The following LARGE1 variants were observed in gnomAD, a reference collection of about 807,000 sequenced individuals.
LARGE1 encodes xylosyl- and glucuronyltransferase LARGE1.
LARGE1 carries 43 observed loss-of-function variants against 87.6 expected under a neutral mutation model. The observed-to-expected ratio is 0.49, with a 90% confidence interval of 0.38 to 0.63. The LOEUF is 0.63. Ranked by LOEUF, LARGE1 falls within the 30% of genes least tolerant of loss-of-function variation. The pLI, the probability that LARGE1 is intolerant of heterozygous loss-of-function variation, is 0.00. For synonymous variants in LARGE1, 434 were observed against 394.6 expected, an observed-to-expected ratio of 1.10 and a Z score of -1.18; for missense variants, 802 against 1,000.2, an observed-to-expected ratio of 0.80 and a Z score of 2.67.
intron 1 of LARGE1, among the ~76,000 whole-genome samples, chr22:33,847,739 A>G (rs1467177360): frequency 1.3e-5 from 2 of 152,226 alleles, no homozygotes; most frequent in Non-Finnish European, 2.9e-5. Flanking sequence ...CTCTCATTGT[A>G]AACTAGAAAA....
intron 6 of LARGE1, among the ~76,000 whole-genome samples, chr22:33,438,360 C>T (rs959615456): frequency 2.6e-5 from 4 of 152,156 alleles, no homozygotes; most frequent in East Asian, 1.9e-4. Context: ...TCACAGAAAA[C>T]GCTTTGTCAT....
chr22:33,195,938 T>G (rs1375342883), intron 11 of LARGE1, among the ~76,000 whole-genome samples: 1 of 151,542 alleles, frequency 6.6e-6, no homozygotes, highest in Admixed American at 6.6e-5. Context: ...TTTTGTATTT[T>G]TAGTAGAGAC....
At chr22:33,839,471 A>T (rs2063206917) in intron 1 of LARGE1, among the ~76,000 whole-genome samples, 1 of 152,242 alleles carries the variant, frequency 6.6e-6, no homozygotes, top group Admixed American at 6.5e-5. Flanking sequence ...GCGAGAAAAA[A>T]GCATGTTTTC....
In LARGE1 at chr22:33,172,572, T is replaced by A. The variant is rs1388696402; in HGVS notation, c.1731-5740A>T. ...AATTTCTCTGCAATAGAATTTTTTCTGGATATTGTCTATGATGTGAATTCT... is the reference window on the plus strand; with the variant it reads ...AATTTCTCTGCAATAGAATTTTTTCAGGATATTGTCTATGATGTGAATTCT... On this transcript the variant is annotated intron_variant, in intron 11 of 11. Coordinates refer to the LARGE1 transcript ENST00000608642. 2.0e-5 allele frequency among the ~76,000 whole-genome samples: 3 copies of A among 152,182 alleles called. No homozygotes were observed. In the South Asian group the frequency reaches 6.2e-4, roughly 32 times the overall value.
intron 2 of LARGE1, among the ~76,000 whole-genome samples, chr22:33,653,218 T>C (rs1231103603): frequency 6.6e-6 from 1 of 152,188 alleles, no homozygotes; most frequent in Non-Finnish European, 1.5e-5. Context: ...TTCATGCTGA[T>C]AATGCCTTAG....
intron 7 of LARGE1, among the ~76,000 whole-genome samples, chr22:33,426,540 A>G (rs1179100450): frequency 6.6e-6 from 1 of 152,192 alleles, no homozygotes; most frequent in Non-Finnish European, 1.5e-5. Flanking sequence ...CCTAGATTGC[A>G]TATTTCTATT....
At chr22:33,472,801 CTT>C (rs1290779407) in intron 6 of LARGE1, among the ~76,000 whole-genome samples, 2 of 152,174 alleles carry the variant, frequency 1.3e-5, no homozygotes, top group African/African-American at 4.8e-5. Context: ...TCGTACTCCA[CTT>C]TGTTTGGAAT....
chr22:33,511,480 CA>C (rs925574008), intron 6 of LARGE1, among the ~76,000 whole-genome samples: 4 of 152,096 alleles, frequency 2.6e-5, no homozygotes, highest in Admixed American at 2.0e-4. Context: ...TCATAGTTCC[CA>C]AATATTCCAT....
intron 6 of LARGE1, among the ~76,000 whole-genome samples, chr22:33,458,504 TCAC>T (rs1042684560): frequency 6.6e-6 from 1 of 152,090 alleles, no homozygotes; most frequent in Non-Finnish European, 1.5e-5. Context: ...TGATCTCGGC[TCAC>T]CACAACCTCC....
At chr22:33,751,606 A>G (rs2084318925) in intron 2 of LARGE1, among the ~76,000 whole-genome samples, 1 of 152,064 alleles carries the variant, frequency 6.6e-6, no homozygotes, top group East Asian at 1.9e-4. Context: ...GTTAACCACC[A>G]TCTGAATTGG....
intron 11 of LARGE1, among the ~76,000 whole-genome samples, chr22:33,183,342 G>C (rs531246726): frequency 5.9e-5 from 9 of 152,004 alleles, no homozygotes; most frequent in Admixed American, 2.6e-4. Context: ...TGGTAGCAGC[G>C]GTGTGAAGAA....
chr22:33,192,761 G>C (rs1032093131), intron 11 of LARGE1, among the ~76,000 whole-genome samples: 1 of 152,068 alleles, frequency 6.6e-6, no homozygotes, highest in East Asian at 1.9e-4. Flanking sequence ...ATGTCAAGAG[G>C]CTTTTTCTCT....
rs376077456 is a variant in LARGE1, at chr22:33,549,902, T to TC, written c.787+14945dup. ...GGTTTCCCATCATTCTGTTGCTTCA[T>TC]CCATGTTGCTACAAAGGACACGAAC... On this transcript the variant is annotated intron_variant, in intron 6 of 14. Coordinates refer to ENST00000397394, the MANE Select transcript of LARGE1 (RefSeq NM_133642.5). 2.5e-3 allele frequency among the ~76,000 whole-genome samples: 379 copies of TC among 152,310 alleles called. 1 individual carries two copies. Among genetic ancestry groups the TC allele is most frequent in the African/African-American group, 8.8e-3 (366 of 41,572 alleles).
chr22:33,120,556 C>T, the LARGE1 span, among the ~76,000 whole-genome samples: 9 of 150,994 alleles, frequency 6.0e-5, no homozygotes, highest in African/African-American at 4.9e-5. Flanking sequence ...TGGGGTGCAG[C>T]GGCATGATGC....
At chr22:33,887,677 T>A (rs5754746) in intron 1 of LARGE1, among the ~76,000 whole-genome samples, 2 of 151,386 alleles carry the variant, frequency 1.3e-5, no homozygotes, top group Non-Finnish European at 2.9e-5. Context: ...GTGGAGGTTG[T>A]GGTGAGTTGA....
intron 7 of LARGE1, among the ~76,000 whole-genome samples, chr22:33,420,231 G>A (rs2066643736): frequency 6.6e-6 from 1 of 152,132 alleles, no homozygotes; most frequent in African/African-American, 2.4e-5. Flanking sequence ...CAAATACTTA[G>A]TGCCTAATAC....
chr22:33,350,458 C>T (rs978636967), intron 9 of LARGE1, among the ~76,000 whole-genome samples: 4 of 152,176 alleles, frequency 2.6e-5, no homozygotes, highest in African/African-American at 7.2e-5. Context: ...ACAGTGTCCT[C>T]CTCGGGGGTG....
chr22:33,606,354 G>A (rs997065652), intron 4 of LARGE1, among the ~76,000 whole-genome samples: 4 of 151,748 alleles, frequency 2.6e-5, no homozygotes, highest in Admixed American at 6.6e-5. Flanking sequence ...GCAGTGAGCC[G>A]AGATTGCACG....
intron 2 of LARGE1, among the ~76,000 whole-genome samples, chr22:33,675,597 G>C (rs1176007764): frequency 1.3e-5 from 2 of 152,112 alleles, no homozygotes; most frequent in African/African-American, 4.8e-5. Context: ...GAGATCCAGC[G>C]ATGAGCTGCC....
Sources: allele counts gnomAD v4.1 joint callset (sites outside exome capture counted in the v4.1 genomes callset), GRCh38; gene constraint gnomAD v4.1.1; transcripts MANE v1.5; gene names NCBI Gene and HGNC (gene_info 2026-07-23, HGNC 2026-07-21).